Variants in RXYLT1 observed in about 807,000 individuals in gnomAD.
RXYLT1 encodes ribitol xylosyltransferase 1, also known as ribitol-5-phosphate xylosyltransferase 1.
Under a neutral mutation model 43.5 loss-of-function variants are expected in RXYLT1, and 41 were observed. The ratio of observed to expected loss-of-function variants is 0.94; its 90% CI spans 0.73 to 1.22. The LOEUF (loss-of-function observed/expected upper bound fraction) is 1.22, where lower values mean the gene tolerates loss of function less well. Ranked by LOEUF, RXYLT1 falls within the 50% of genes most tolerant of loss-of-function variation. RXYLT1 has a pLI of 0.00. For synonymous variants in RXYLT1, 166 were observed against 194.4 expected, an observed-to-expected ratio of 0.85 and a Z score of 1.21; for missense variants, 514 against 532.0, an observed-to-expected ratio of 0.97 and a Z score of 0.33.
At chr12:63,805,150 T>G in intron 4 of RXYLT1, 84 bp from the exon 5 acceptor site, 1 of 1,067,110 alleles carries the variant, frequency 9.4e-7, no homozygotes, top group Non-Finnish European at 1.3e-6. Context: ...TTCTGTATAC[T>G]TCTTGCTACC....
intron 1 of RXYLT1, 74 bp from the exon 2 acceptor site, chr12:63,780,941 CACTT>C (rs1335674754): frequency 2.5e-6 from 3 of 1,214,254 alleles, no homozygotes; most frequent in South Asian, 2.4e-5. Context: ...TTAGAACTAA[CACTT>C]AATTTAAATG....
At chr12:63,797,044 A>C (rs1328506935) in intron 3 of RXYLT1, among the ~76,000 whole-genome samples, 1 of 150,010 alleles carries the variant, frequency 6.7e-6, no homozygotes, top group Non-Finnish European at 1.5e-5. Flanking sequence ...GCTCACTGCA[A>C]CCTCCACCTC....
At chr12:63,782,228 G>A (rs1037785853) in intron 2 of RXYLT1, among the ~76,000 whole-genome samples, 7 of 151,698 alleles carry the variant, frequency 4.6e-5, no homozygotes, top group Non-Finnish European at 1.0e-4. Flanking sequence ...ATAAAATACC[G>A]TTATAGAAAT....
rs1307517450 is a variant in RXYLT1, at chr12:63,809,448, A to T, written c.*356A>T. On this transcript the variant is annotated 3_prime_UTR_variant, in exon 6 of 6. Transcript: ENST00000261234. ...TATGTCCTGTACATAATATTTAATA[A>T]TGACAATAAATGACTATGTTACTGG... 1 of 174,918 alleles carries T rather than the reference A, an allele frequency of 5.7e-6. No individual in the cohort carries two copies. The highest frequency in any genetic ancestry group is 2.4e-5 in the African/African-American group (1 of 41,810). 10.8% of individuals were successfully genotyped at this position (174,918 alleles called of 1,614,324 possible). A position where few individuals can be genotyped will look rare whatever the true frequency, so the allele number is the denominator to read the frequency against.
Position 63,781,071 on chromosome 12 carries a change from A to G in RXYLT1, c.222A>G (p.Lys74=), listed in dbSNP as rs977676056. ...GGAATCCTTGGGAAGGAGATGAAAA[A>G]AATGAGCAACAACACAGATTTAAAA... is the stretch of plus-strand genomic sequence containing the variant. ...EEWNPWEGDE[K]NEQQHRFKTS... The change falls in exon 2 of 6, where the codon AAA becomes AAG. Residue 74 remains lysine (K), a synonymous_variant. Transcript: ENST00000261234. 9 of 1,609,440 alleles carry G rather than the reference A, an allele frequency of 5.6e-6. No individual in the cohort carries two copies. The highest frequency in any genetic ancestry group is 6.8e-6 in the Non-Finnish European group (8 of 1,178,446).
chr12:63,808,558 A>T lies in RXYLT1; in HGVS notation c.915-117A>T. On this transcript the variant is annotated intron_variant, in intron 5 of 5. Coordinates refer to ENST00000261234, the MANE Select transcript of RXYLT1 (RefSeq NM_014254.3). ...ATTTTGGATATCTCTTATGCCTATCATCTCTATAAAGTTTCACCATTTCCT... is the reference window on the plus strand; with the variant it reads ...ATTTTGGATATCTCTTATGCCTATCTTCTCTATAAAGTTTCACCATTTCCT... 4 of 1,152,396 alleles carry T rather than the reference A, an allele frequency of 3.5e-6. No individual in the cohort carries two copies. In the Admixed American group the frequency reaches 1.1e-4, roughly 33 times the overall value. 71.4% of individuals were successfully genotyped at this position (1,152,396 alleles called of 1,614,324 possible). A position where few individuals can be genotyped will look rare whatever the true frequency, so the allele number is the denominator to read the frequency against.
chr12:63,784,138 C>A (rs1897749516), intron 2 of RXYLT1, among the ~76,000 whole-genome samples: 1 of 152,162 alleles, frequency 6.6e-6, no homozygotes, highest in African/African-American at 2.4e-5. Context: ...TTCATAGATT[C>A]TAAAGATTAG....
intron 3 of RXYLT1, among the ~76,000 whole-genome samples, chr12:63,789,775 A>G (rs767822327): frequency 6.6e-6 from 1 of 152,212 alleles, no homozygotes; most frequent in Non-Finnish European, 1.5e-5. Context: ...TAGCGTACAT[A>G]ATTTATCCAA....
At chr12:63,791,978 G>C (rs1186156917) in intron 3 of RXYLT1, among the ~76,000 whole-genome samples, 1 of 152,160 alleles carries the variant, frequency 6.6e-6, no homozygotes, top group Non-Finnish European at 1.5e-5. Context: ...GCATCCATGA[G>C]GCAGGTACTG....
chr12:63,780,792 G>T (rs541701746), intron 1 of RXYLT1, among the ~76,000 whole-genome samples: 33 of 152,178 alleles, frequency 2.2e-4, no homozygotes, highest in African/African-American at 7.9e-4. Context: ...CCTGTCTCAA[G>T]GTAGCATTTT....
chr12:63,802,606 TGAG>T (rs1898188851), intron 4 of RXYLT1, among the ~76,000 whole-genome samples: 2 of 152,304 alleles, frequency 1.3e-5, no homozygotes, highest in Admixed American at 6.5e-5. Flanking sequence ...TATTCTTTAA[TGAG>T]GAGATGAGTT....
rs1592850351 is a variant in RXYLT1, at chr12:63,797,109, A to G, written c.429-4982A>G. On this transcript the variant is annotated intron_variant, in intron 3 of 5. Coordinates refer to ENST00000261234, the MANE Select transcript of RXYLT1 (RefSeq NM_014254.3). Reference sequence around the variant, plus strand: ...CTCCCAAGTAGCTGGGATTACAGGCACCTGCCACCATGCCCAGCTAATTTT... The same window carrying G: ...CTCCCAAGTAGCTGGGATTACAGGCGCCTGCCACCATGCCCAGCTAATTTT... Among the ~76,000 whole-genome samples the G allele has an allele frequency of 2.6e-5, 4 of 151,214 alleles. No individual in the cohort carries two copies. The South Asian group carries it at 6.3e-4, about 24-fold the overall frequency.
intron 3 of RXYLT1, among the ~76,000 whole-genome samples, chr12:63,786,687 C>G (rs945462536): frequency 1.3e-5 from 2 of 152,170 alleles, no homozygotes; most frequent in Admixed American, 6.5e-5. Flanking sequence ...GCTGGGGTGG[C>G]TGTGACAATT....
At chr12:63,783,608 G>T (rs916430303) in intron 2 of RXYLT1, among the ~76,000 whole-genome samples, 2 of 152,086 alleles carry the variant, frequency 1.3e-5, no homozygotes, top group African/African-American at 4.8e-5. Flanking sequence ...CTATCTGCAG[G>T]TTATTCAAGG....
At chr12:63,787,838 G>A (rs543365516) in intron 3 of RXYLT1, among the ~76,000 whole-genome samples, 1 of 152,132 alleles carries the variant, frequency 6.6e-6, no homozygotes, top group African/African-American at 2.4e-5. Flanking sequence ...TGTTGGCCAG[G>A]TCTCCTGTCT....
chr12:63,789,519 A>G (rs1267021628), intron 3 of RXYLT1, among the ~76,000 whole-genome samples: 1 of 152,194 alleles, frequency 6.6e-6, no homozygotes, highest in Non-Finnish European at 1.5e-5. Context: ...TAGTGAGCAC[A>G]TGCTGTTGGA....
At chr12:63,805,191 A>G in intron 4 of RXYLT1, 43 bp from the exon 5 acceptor site, 1 of 1,498,212 alleles carries the variant, frequency 6.7e-7, no homozygotes. Flanking sequence ...AATTTTTGCC[A>G]ATTCTATATC....
chr12:63,805,202 A>C, intron 4 of RXYLT1, 32 bp from the exon 5 acceptor site: 1 of 1,563,828 alleles, frequency 6.4e-7, no homozygotes, highest in Non-Finnish European at 8.6e-7. Context: ...ATTCTATATC[A>C]TATGTTAATT....
intron 2 of RXYLT1, among the ~76,000 whole-genome samples, chr12:63,783,918 C>T (rs554138225): frequency 6.6e-6 from 1 of 151,998 alleles, no homozygotes; most frequent in South Asian, 2.1e-4. Context: ...AGCGGCTACC[C>T]GTATTCCTTC....
Sources: gnomAD v4.1 joint callset for allele counts (sites outside exome capture counted in the v4.1 genomes callset) on GRCh38, gnomAD v4.1.1 for gene constraint, MANE v1.5 for transcripts, NCBI Gene and HGNC (gene_info 2026-07-23, HGNC 2026-07-21) for gene names.